PHF19: variants seen among roughly 807,000 people sequenced by gnomAD.
The protein encoded by PHF19 is PHD finger protein 19, also known as polycomb like 3.
PHF19 carries 21 observed loss-of-function variants against 79.8 expected under a neutral mutation model. That is an observed-to-expected ratio of 0.26 (90% CI 0.19 to 0.38). The LOEUF is 0.38. Ranked by LOEUF, PHF19 falls within the 10% of genes least tolerant of loss-of-function variation. PHF19 has a pLI of 1.00. For missense variants in PHF19, 445 were observed against 744.2 expected (o/e 0.60, Z 4.68); for synonymous variants, 273 against 296.3 (o/e 0.92, Z 0.81).
upstream of PHF19, among the ~76,000 whole-genome samples, chr9:120,896,183 A>G (rs140547978): frequency 1.9e-3 from 282 of 152,300 alleles, 1 homozygote; most frequent in African/African-American, 6.5e-3. Context: ...ACAAGTTAGC[A>G]TGGTACTTGA....
At position 120,874,025 on chromosome 9, in the gene PHF19, G is replaced by A. The variant is rs781747183; in HGVS notation, c.222C>T (p.Phe74=). The change falls in exon 3 of 15, where the codon TTC becomes TTT. Residue 74 remains phenylalanine, a synonymous_variant. Coordinates refer to ENST00000373896, the MANE Select transcript of PHF19 (RefSeq NM_015651.3). The surrounding 1 kb of genome is among the most constrained non-coding windows in gnomAD (Gnocchi z 4.5). ...SSSKQSCLVT[F]EDNSKYWVLW... is the part of the protein sequence containing the mutation. Reference sequence around the variant, plus strand: ...GGACCCAGTATTTGGAATTATCTTCGAAAGTCACGAGGCAGCTTTGCTTAG... The same window carrying A: ...GGACCCAGTATTTGGAATTATCTTCAAAAGTCACGAGGCAGCTTTGCTTAG... The A allele has an allele frequency of 1.4e-5, 22 of 1,608,368 alleles. No individual in the cohort carries two copies. The highest frequency in any genetic ancestry group is 1.3e-4 in the South Asian group (12 of 90,894).
chr9:120,874,701 T>C lies in PHF19; in HGVS notation c.41A>G (p.Tyr14Cys), dbSNP rs1186647643. 6 of 1,613,628 alleles carry C rather than the reference T, an allele frequency of 3.7e-6. No individual in the cohort carries two copies. The highest frequency in any genetic ancestry group is 5.1e-6 in the Non-Finnish European group (6 of 1,179,640). Residue 14 changes from tyrosine (Y) to cysteine (C), a missense_variant, in exon 2 of 15, where the codon TAT (tyrosine) becomes TGT (cysteine). This residue lies in a region of PHF19 where 50 missense variants were observed against 54.8 expected (regional missense o/e 0.91). Coordinates refer to ENST00000373896, the MANE Select transcript of PHF19 (RefSeq NM_015651.3). The surrounding 1 kb of genome is among the most constrained non-coding windows in gnomAD (Gnocchi z 4.5). ...GTTGGGGAGGTGGCTGGTGGCACCA[T>C]AGGAGTCCCGAGTCCCTGGATCCAG... ...RALDPGTRDS[Y>C]GATSHLPNKG...
rs1235612115 is a variant in PHF19, at chr9:120,858,235, G to A, written c.1452C>T (p.Pro484=). 2.6e-6 allele frequency: 4 copies of A among 1,562,934 alleles called. No homozygotes were observed. The highest frequency in any genetic ancestry group is 2.7e-5 in the African/African-American group (2 of 73,950). Residue 484 remains proline (P), a synonymous_variant, in exon 15 of 15, where the codon CCC becomes CCT. Coordinates refer to ENST00000373896, the MANE Select transcript of PHF19 (RefSeq NM_015651.3). ...CAGCTGCCCACCGCTTTGCCCGCAGGGGCATGTATGCCTTGGCTGCCAGCT... is the reference window on the plus strand; with the variant it reads ...CAGCTGCCCACCGCTTTGCCCGCAGAGGCATGTATGCCTTGGCTGCCAGCT... The part of the protein sequence containing the change: ...KRKLAAKAYM[P]LRAKRWAAEL...
At position 120,874,626 on chromosome 9, in the gene PHF19, T is replaced by C. The variant is rs764934664; in HGVS notation, c.116A>G (p.Lys39Arg). The C allele has an allele frequency of 6.2e-7, 1 of 1,613,932 alleles. No homozygotes were observed. The highest frequency in any genetic ancestry group is 2.2e-5 in the East Asian group (1 of 44,890). ...CAGCACATACTGGCCCTCCGTCAGT[T>C]TGGACATCAAGTCTTTGAAGTTGTT... The part of the protein sequence containing the change: ...VKNNFKDLMS[K>R]LTEGQYVLCR... Residue 39 changes from lysine to arginine, a missense_variant, in exon 2 of 15, where the codon AAA becomes AGA. By Grantham distance (26) the Lys-to-Arg change is conservative. This residue lies in a region of PHF19 where 50 missense variants were observed against 54.8 expected (regional missense o/e 0.91). Transcript: ENST00000373896. This position sits in a 1 kb window ranked among gnomAD's most constrained non-coding sequence, Gnocchi z 4.5.
At position 120,869,508 on chromosome 9, in the gene PHF19, AG is replaced by A; in HGVS notation, c.466-179del. 1 of 1,371,608 alleles carries A rather than the reference AG, an allele frequency of 7.3e-7. No homozygotes were observed. The highest frequency in any genetic ancestry group is 1.5e-5 in the African/African-American group (1 of 68,764). The allele number at this position is 1,371,608 out of a possible 1,614,324, so 85.0% of individuals were successfully genotyped here. On this transcript the variant is annotated intron_variant, in intron 5 of 14. Coordinates refer to ENST00000373896, the MANE Select transcript of PHF19 (RefSeq NM_015651.3). This position sits in a 1 kb window ranked among gnomAD's most constrained non-coding sequence, Gnocchi z 5.8. ...ATTCCAAACCCATCCCCTCTATCCC[AG>A]AAGGAACTCCGTTGATAACAGAATT...
At chr9:120,887,257 C>A (rs1353413747) in intron 1 of PHF19, among the ~76,000 whole-genome samples, 3 of 152,038 alleles carry the variant, frequency 2.0e-5, no homozygotes, top group Admixed American at 6.5e-5. Flanking sequence ...GATTTCAAGA[C>A]CAGCCTGGCC....
chr9:120,884,600 T>C (rs1466106128), intron 1 of PHF19, among the ~76,000 whole-genome samples: 1 of 152,194 alleles, frequency 6.6e-6, no homozygotes, highest in South Asian at 2.1e-4. Context: ...ACCCAGGTGA[T>C]ATGGTGTATT....
At position 120,858,292 on chromosome 9, in the gene PHF19, T is replaced by C. The variant is rs200085804; in HGVS notation, c.1401-6A>G. 6.6e-7 allele frequency: 1 copy of C among 1,517,974 alleles called. No individual in the cohort carries two copies. Among genetic ancestry groups the C allele is most frequent in the South Asian group, 1.3e-5 (1 of 77,182 alleles). The allele number at this position is 1,517,974 out of a possible 1,614,324, so 94.0% of individuals were successfully genotyped here. A position where few individuals can be genotyped will look rare whatever the true frequency, so the allele number is the denominator to read the frequency against. On this transcript the variant is annotated splice_polypyrimidine_tract_variant and splice_region_variant and intron_variant, in intron 14 of 14. Transcript: ENST00000373896. ...TTCGGCTGCCCACTGTCCATCTGTA[T>C]CAGAAGTGGGAGAGGAAGATGATGA...
intron 3 of PHF19, among the ~76,000 whole-genome samples, chr9:120,871,509 C>T (rs976973820): frequency 3.9e-5 from 6 of 152,176 alleles, no homozygotes; most frequent in Non-Finnish European, 7.3e-5. Flanking sequence ...AATTTTAAGT[C>T]TGTTCTTTTG....
chr9:120,870,501 G>A lies in PHF19; in HGVS notation c.306C>T (p.Cys102=). 1 of 1,613,118 alleles carries A rather than the reference G, an allele frequency of 6.2e-7. No individual in the cohort carries two copies. Among genetic ancestry groups the A allele is most frequent in the Non-Finnish European group, 8.5e-7 (1 of 1,179,040 alleles). ...VPGEEPKCNI[C]LGKTSGPLNE... is the part of the protein sequence containing the mutation. ...TCAGCGGCCCTGATGTCTTCCCTAG[G>A]CAGATGTTGCACTTGGGCTCCTCTC... The change falls in exon 4 of 15, where the codon TGC becomes TGT. Residue 102 remains cysteine (C), a synonymous_variant. Transcript: ENST00000373896. The surrounding 1 kb of genome is among the most constrained non-coding windows in gnomAD (Gnocchi z 4.4).
rs1456132986 is a variant in PHF19 at position 120,861,200 on chromosome 9, AG to A, written c.1219-27del. On this transcript the variant is annotated intron_variant, in intron 12 of 14. Coordinates refer to ENST00000373896, the MANE Select transcript of PHF19 (RefSeq NM_015651.3). ...CTGTGGACACAGGAAGGAGAGAGGAAGGGTCAGACAGCGAGTATCAAATCCA... is the reference window on the plus strand; with the variant it reads ...CTGTGGACACAGGAAGGAGAGAGGAAGGTCAGACAGCGAGTATCAAATCCA... 2.3e-6 allele frequency: 3 copies of A among 1,314,824 alleles called. No individual in the cohort carries two copies. The African/African-American group carries it at 4.3e-5, about 19-fold the overall frequency. 81.4% of individuals were successfully genotyped at this position (1,314,824 alleles called of 1,614,324 possible).
chr9:120,901,476 T>C, the PHF19 span, among the ~76,000 whole-genome samples: 3 of 152,310 alleles, frequency 2.0e-5, no homozygotes, highest in Admixed American at 2.0e-4. Flanking sequence ...ATTACAGGTG[T>C]GAGCCACCAC....
In PHF19 at chr9:120,862,534, G is replaced by A; in HGVS notation, c.1130+54C>T. The A allele has an allele frequency of 6.5e-7, 1 of 1,545,102 alleles. No homozygotes were observed. Among genetic ancestry groups the A allele is most frequent in the Non-Finnish European group, 8.9e-7 (1 of 1,121,630 alleles). ...GCAGGTCCTCCTTGCTTGCTTGGAA[G>A]CAGAGAAACCGAGTTTGGCGGCAGC... is the stretch of plus-strand genomic sequence containing the variant. On this transcript the variant is annotated intron_variant, in intron 11 of 14. Transcript: ENST00000373896. This position sits in a 1 kb window ranked among gnomAD's most constrained non-coding sequence, Gnocchi z 4.6.
the PHF19 span, among the ~76,000 whole-genome samples, chr9:120,901,689 T>C: frequency 2.6e-3 from 403 of 152,128 alleles, 2 homozygotes; most frequent in African/African-American, 8.7e-3. Flanking sequence ...AAGTAAGGAG[T>C]GCACCTTATG....
At chr9:120,865,974 GA>G in intron 8 of PHF19, 53 bp downstream of exon 8, 8 of 1,563,944 alleles carry the variant, frequency 5.1e-6, no homozygotes, top group Non-Finnish European at 5.3e-6. Context: ...AGGGAGGAGG[GA>G]GGGGAGAAGC....
At chr9:120,865,513 C>A (rs1285039079) in intron 9 of PHF19, among the ~76,000 whole-genome samples, 197 bp downstream of exon 9, 8 of 152,208 alleles carry the variant, frequency 5.3e-5, no homozygotes, top group Non-Finnish European at 2.9e-5. Flanking sequence ...CTCCACTGAA[C>A]TGGGGAGGCC....
chr9:120,894,998 CT>C, upstream of PHF19: 1 of 373,738 alleles, frequency 2.7e-6, no homozygotes, highest in South Asian at 1.5e-4. Context: ...CGAGGACCTT[CT>C]CTTGTATTTG....
At chr9:120,858,590 C>A (rs1028888585) in intron 14 of PHF19, among the ~76,000 whole-genome samples, 8 of 152,082 alleles carry the variant, frequency 5.3e-5, no homozygotes, top group African/African-American at 1.9e-4. Flanking sequence ...AACGTAAGAA[C>A]GTCCAACTCC....
At chr9:120,871,765 C>T (rs993049712) in intron 3 of PHF19, among the ~76,000 whole-genome samples, 9 of 152,086 alleles carry the variant, frequency 5.9e-5, no homozygotes, top group Admixed American at 1.3e-4. Context: ...TTCGGCCGGG[C>T]GCAGTGGCTC....
Sources: allele counts gnomAD v4.1 joint callset (sites outside exome capture counted in the v4.1 genomes callset), GRCh38; gene constraint gnomAD v4.1.1; regional missense constraint gnomAD v4.1.1; non-coding constraint Gnocchi (gnomAD v3.1); transcripts MANE v1.5; gene names NCBI Gene and HGNC (gene_info 2026-07-23, HGNC 2026-07-21).